Variants in PROP1 observed in about 807,000 individuals in gnomAD.
PROP1 encodes the protein PROP paired-like homeobox 1.
A neutral mutation model predicts 22.3 loss-of-function variants in PROP1; 12 were observed. The ratio of observed to expected loss-of-function variants is 0.54; its 90% CI spans 0.34 to 0.87. The LOEUF (loss-of-function observed/expected upper bound fraction) is 0.87. Ranked by LOEUF, PROP1 falls within the 40% of genes least tolerant of loss-of-function variation. PROP1 has a pLI of 0.01. For missense variants in PROP1, 278 were observed against 295.1 expected, an observed-to-expected ratio of 0.94 and a Z score of 0.43; for synonymous variants, 112 against 116.7, an observed-to-expected ratio of 0.96 and a Z score of 0.26.
chr5:177,995,369 C>A (rs1755738961), intron 1 of PROP1, among the ~76,000 whole-genome samples: 1 of 152,140 alleles, frequency 6.6e-6, no homozygotes, highest in African/African-American at 2.4e-5. Context: ...AAGGCGCACA[C>A]CAAGAAAAGA....
In PROP1 at chr5:177,996,064, T is replaced by C; in HGVS notation, c.-131A>G. ...CACCCTCTGGGACTCTGTCTCTGAA[T>C]GTGTGTGTAGGTGCAGGCAGCTGTC... On this transcript the variant is annotated 5_prime_UTR_variant, in exon 1 of 3. Transcript: ENST00000308304. The C allele has an allele frequency of 1.3e-6, 1 of 780,648 alleles. No individual in the cohort carries two copies. The highest frequency in any genetic ancestry group is 2.2e-6 in the Non-Finnish European group (1 of 453,394). The allele number at this position is 780,648 out of a possible 1,614,324, so 48.4% of individuals were successfully genotyped here. A position where few individuals can be genotyped will look rare whatever the true frequency, so the allele number is the denominator to read the frequency against.
chr5:177,993,786 C>T lies in PROP1; in HGVS notation c.342+320G>A, dbSNP rs181355891. ...TTCACCATGTTAACCAGGCTGGTCT[C>T]GAACTCTTAACCTCAGGTGATCCAT... On this transcript the variant is annotated intron_variant, in intron 2 of 2. Transcript: ENST00000308304. Among the ~76,000 whole-genome samples the T allele has an allele frequency of 1.9e-3, 294 of 152,186 alleles. 1 individual carries two copies. Among genetic ancestry groups the T allele is most frequent in the African/African-American group, 6.4e-3 (266 of 41,516 alleles).
Position 177,995,915 on chromosome 5 carries a change from G to T in PROP1, c.19C>A (p.Arg7Ser), listed in dbSNP as rs374712664. Residue 7 changes from arginine (R) to serine (S), a missense_variant, in exon 1 of 3, where the codon CGC becomes AGC. Arg to Ser is a moderately radical substitution (Grantham distance 110). Coordinates refer to ENST00000308304, the MANE Select transcript of PROP1 (RefSeq NM_006261.5). MEAERR[R>S]QAEKPKKGRV... ...CCCTTCTTTGGCTTCTCAGCCTGGC[G>T]CCTCCTTTCTGCTTCCATGGCTCGC... 40 of 1,613,576 alleles carry T rather than the reference G, an allele frequency of 2.5e-5. No individual in the cohort carries two copies. The East Asian group carries it at 8.0e-4, about 32-fold the overall frequency.
rs373656666 is a variant in PROP1 at position 177,994,334 on chromosome 5, C to A, written c.114G>T (p.Ser38=). The change falls in exon 2 of 3, where the codon TCG becomes TCT. Residue 38 remains serine, a synonymous_variant. Transcript: ENST00000308304. ...GGAGCCTTCTGCAGGGTGGAGCACT[C>A]GAGTCTGAGAACGGAGAGAAGGGAG... ...ATGTPTTTVD[S]SAPPCRRLPG... The A allele has an allele frequency of 3.1e-6, 5 of 1,593,284 alleles. No individual in the cohort carries two copies. The highest frequency in any genetic ancestry group is 1.7e-4 in the Middle Eastern group (1 of 5,992).
Position 177,994,334 on chromosome 5 carries a change from C to CAGAACGGAGAGAGCACTGCAGAACGGTG in PROP1, c.113_114insCACCGTTCTGCAGTGCTCTCTCCGTTCT (p.Ser39ThrfsTer81). 4.4e-6 allele frequency: 7 copies of CAGAACGGAGAGAGCACTGCAGAACGGTG among 1,593,286 alleles called. No individual in the cohort carries two copies. Among genetic ancestry groups the CAGAACGGAGAGAGCACTGCAGAACGGTG allele is most frequent in the Non-Finnish European group, 6.0e-6 (7 of 1,169,186 alleles). Reference sequence around the variant, plus strand: ...GGAGCCTTCTGCAGGGTGGAGCACTCGAGTCTGAGAACGGAGAGAAGGGAG... The same window carrying CAGAACGGAGAGAGCACTGCAGAACGGTG: ...GGAGCCTTCTGCAGGGTGGAGCACTCAGAACGGAGAGAGCACTGCAGAACGGTGGAGTCTGAGAACGGAGAGAAGGGAG... On this transcript the variant is annotated frameshift_variant, in exon 2 of 3. Transcript: ENST00000308304. LOFTEE classifies it high-confidence loss of function.
At chr5:177,993,970 T>G in intron 2 of PROP1, 136 bp downstream of exon 2, 1 of 892,710 alleles carries the variant, frequency 1.1e-6, no homozygotes, top group African/African-American at 1.6e-5. Flanking sequence ...CTCAATGCAG[T>G]TGCTCTGATG....
intron 1 of PROP1, 122 bp downstream of exon 1, chr5:177,995,703 G>A (rs756657858): frequency 8.7e-6 from 7 of 801,228 alleles, no homozygotes; most frequent in Non-Finnish European, 1.4e-5. Flanking sequence ...GGTTCCCACA[G>A]TTTTAACATG....
chr5:177,993,078 C>T, intron 2 of PROP1, 31 bp from the exon 3 acceptor site: 6 of 1,581,874 alleles, frequency 3.8e-6, no homozygotes, highest in East Asian at 4.5e-5. Context: ...CATCAGAGCC[C>T]ACACTTGACA....
chr5:177,995,187 T>C (rs1014123611), intron 1 of PROP1, among the ~76,000 whole-genome samples: 3 of 151,878 alleles, frequency 2.0e-5, no homozygotes, highest in African/African-American at 7.3e-5. Flanking sequence ...CACCCTCCCC[T>C]ACTTACTTTT....
Position 177,996,069 on chromosome 5 carries a change from G to T in PROP1, c.-136C>A. ...TCTGGGACTCTGTCTCTGAATGTGT[G>T]TGTAGGTGCAGGCAGCTGTCTCTGA... On this transcript the variant is annotated 5_prime_UTR_variant, in exon 1 of 3. Transcript: ENST00000308304. 1 of 747,596 alleles carries T rather than the reference G, an allele frequency of 1.3e-6. No homozygotes were observed. The highest frequency in any genetic ancestry group is 2.3e-6 in the Non-Finnish European group (1 of 426,542). 46.3% of individuals were successfully genotyped at this position (747,596 alleles called of 1,614,324 possible).
intron 1 of PROP1, among the ~76,000 whole-genome samples, chr5:177,995,455 GAC>G (rs1755740305): frequency 6.6e-6 from 1 of 151,914 alleles, no homozygotes; most frequent in African/African-American, 2.4e-5. Context: ...CACCATGGGG[GAC>G]ACACACACGG....
chr5:177,996,108 T>C lies in PROP1; in HGVS notation c.-175A>G. The C allele has an allele frequency of 1.6e-6, 1 of 642,646 alleles. No homozygotes were observed. The highest frequency in any genetic ancestry group is 2.8e-6 in the Non-Finnish European group (1 of 360,736). The allele number at this position is 642,646 out of a possible 1,614,324, so 39.8% of individuals were successfully genotyped here. The stretch of plus-strand genomic sequence containing the variant: ...AGCTGTCTCTGACTTTTTCACTGTC[T>C]TTACTTTTTTTCTAATTGTTTCCTA... On this transcript the variant is annotated 5_prime_UTR_variant, in exon 1 of 3. Coordinates refer to ENST00000308304, the MANE Select transcript of PROP1 (RefSeq NM_006261.5).
chr5:177,996,030 T>C lies in PROP1; in HGVS notation c.-97A>G. 9.9e-7 allele frequency: 1 copy of C among 1,013,864 alleles called. No individual in the cohort carries two copies. Among genetic ancestry groups the C allele is most frequent in the Non-Finnish European group, 1.5e-6 (1 of 656,102 alleles). The allele number at this position is 1,013,864 out of a possible 1,614,324, so 62.8% of individuals were successfully genotyped here. ...CACCTGTTCCCTCCCCTTCTCCCTC[T>C]GTGTATGCCACCCTCTGGGACTCTG... is the stretch of plus-strand genomic sequence containing the variant. On this transcript the variant is annotated 5_prime_UTR_variant, in exon 1 of 3. Transcript: ENST00000308304.
chr5:177,994,400 A>G, intron 1 of PROP1, 62 bp from the exon 2 acceptor site: 2 of 1,405,602 alleles, frequency 1.4e-6, no homozygotes, highest in Non-Finnish European at 1.9e-6. Flanking sequence ...GCTGGACCAC[A>G]TGTGCCTGTC....
chr5:177,995,541 G>T (rs1303957814), intron 1 of PROP1, among the ~76,000 whole-genome samples: 1 of 151,704 alleles, frequency 6.6e-6, no homozygotes, highest in African/African-American at 2.4e-5. Flanking sequence ...AGTGGCTTGG[G>T]CTAACCAACT....
intron 1 of PROP1, among the ~76,000 whole-genome samples, chr5:177,995,027 C>A (rs1755730598): frequency 6.6e-6 from 1 of 152,158 alleles, no homozygotes; most frequent in Admixed American, 6.5e-5. Flanking sequence ...TGCACCTGCA[C>A]CCTAACAATC....
chr5:177,994,192 A>T lies in PROP1; in HGVS notation c.256T>A (p.Ser86Thr), dbSNP rs143700337. The T allele has an allele frequency of 6.2e-7, 1 of 1,613,714 alleles. No homozygotes were observed. Among genetic ancestry groups the T allele is most frequent in the African/African-American group, 1.3e-5 (1 of 74,808 alleles). Reference sequence around the variant, plus strand: ...GGGTACTGGTTCCTCCCAAAGGCTGACTCCAGCTGTTCCAACTGCACTGGG... The same window carrying T: ...GGGTACTGGTTCCTCCCAAAGGCTGTCTCCAGCTGTTCCAACTGCACTGGG... ...FSPVQLEQLE[S>T]AFGRNQYPDI... The change falls in exon 2 of 3, where the codon TCA becomes ACA. Residue 86 changes from serine to threonine, a missense_variant. By Grantham distance (58) the Ser-to-Thr change is moderately conservative. Coordinates refer to ENST00000308304, the MANE Select transcript of PROP1 (RefSeq NM_006261.5).
chr5:177,992,426 A>G lies in PROP1; in HGVS notation c.*283T>C. 4.3e-6 allele frequency: 2 copies of G among 469,404 alleles called. No homozygotes were observed. Among genetic ancestry groups the G allele is most frequent in the South Asian group, 8.0e-5 (2 of 24,864 alleles). The allele number at this position is 469,404 out of a possible 1,614,324, so 29.1% of individuals were successfully genotyped here. ...GCCCTCACCTCCTAGCCCTTCAATC[A>G]TCTCCACTCACCAGCAACTGTCTTC... On this transcript the variant is annotated 3_prime_UTR_variant, in exon 3 of 3. Transcript: ENST00000308304.
intron 1 of PROP1, among the ~76,000 whole-genome samples, chr5:177,995,456 A>T (rs995330878): frequency 2.0e-5 from 3 of 151,672 alleles, no homozygotes; most frequent in Admixed American, 6.6e-5. Context: ...ACCATGGGGG[A>T]CACACACACG....
Sources: allele counts gnomAD v4.1 joint callset (sites outside exome capture counted in the v4.1 genomes callset), GRCh38; gene constraint gnomAD v4.1.1; transcripts MANE v1.5; gene names NCBI Gene and HGNC (gene_info 2026-07-23, HGNC 2026-07-21).